Variants in MAST4 observed in about 807,000 individuals in gnomAD.
MAST4 encodes the protein microtubule associated serine/threonine kinase family member 4.
A neutral mutation model predicts 162.7 loss-of-function variants in MAST4; 89 were observed. The ratio of observed to expected loss-of-function variants is 0.55; its 90% confidence interval spans 0.46 to 0.65. The LOEUF (loss-of-function observed/expected upper bound fraction) is 0.65, where lower values mean the gene tolerates loss of function less well. MAST4 is among the 30% of genes least tolerant of loss of function. The pLI, the probability that MAST4 is intolerant of heterozygous loss-of-function variation, is 0.00. For missense variants in MAST4, 3,153 were observed against 3,374.0 expected, an observed-to-expected ratio of 0.93 and a Z score of 1.62; for synonymous variants, 1,479 against 1,361.1, an observed-to-expected ratio of 1.09 and a Z score of -1.91.
intron 4 of MAST4, among the ~76,000 whole-genome samples, chr5:67,027,898 A>G (rs1417319268): frequency 6.6e-6 from 1 of 152,150 alleles, no homozygotes; most frequent in African/African-American, 2.4e-5. Flanking sequence ...CATCCTCTGC[A>G]TTTATTTGTT....
chr5:67,156,923 G>A (rs1444678317), intron 26 of MAST4, among the ~76,000 whole-genome samples: 4 of 152,178 alleles, frequency 2.6e-5, no homozygotes, highest in South Asian at 4.1e-4. Context: ...ATTCAATTCC[G>A]GCAACTTGAA....
chr5:66,831,265 C>G (rs777580077), intron 3 of MAST4, among the ~76,000 whole-genome samples: 1 of 152,074 alleles, frequency 6.6e-6, no homozygotes, highest in Non-Finnish European at 1.5e-5. Flanking sequence ...TATCAGTAAA[C>G]CTAGTAAACA....
At position 67,165,515 on chromosome 5, in the gene MAST4, G is replaced by A. The variant is rs933701237; in HGVS notation, c.6336G>A (p.Gln2112=). 1 of 1,614,000 alleles carries A rather than the reference G, an allele frequency of 6.2e-7. No homozygotes were observed. Among genetic ancestry groups the A allele is most frequent in the African/African-American group, 1.3e-5 (1 of 75,048 alleles). ...SEKLSSFPSL[Q]KDGAKEPERK... is the part of the protein sequence containing the mutation. Reference sequence around the variant, plus strand: ...AGCTCTCCAGTTTCCCATCTTTGCAGAAAGATGGTGCCAAGGAACCTGAAA... The same window carrying A: ...AGCTCTCCAGTTTCCCATCTTTGCAAAAAGATGGTGCCAAGGAACCTGAAA... Residue 2112 remains glutamine, a synonymous_variant, in exon 29 of 29, where the codon CAG becomes CAA. Coordinates refer to ENST00000403625, the MANE Select transcript of MAST4 (RefSeq NM_001164664.2).
chr5:67,031,766 G>T (rs560020531), intron 4 of MAST4, among the ~76,000 whole-genome samples: 5 of 152,266 alleles, frequency 3.3e-5, no homozygotes, highest in African/African-American at 1.2e-4. Context: ...TCTCTGAAGT[G>T]AATATTCCTG....
chr5:66,802,061 T>G (rs894832520), intron 3 of MAST4, among the ~76,000 whole-genome samples: 6 of 152,218 alleles, frequency 3.9e-5, no homozygotes, highest in Admixed American at 3.9e-4. Flanking sequence ...AGTTTTGGGC[T>G]TTTCATTTAA....
chr5:67,124,402 CTCT>C (rs1171476220), intron 14 of MAST4, among the ~76,000 whole-genome samples: 1 of 152,178 alleles, frequency 6.6e-6, no homozygotes, highest in Non-Finnish European at 1.5e-5. Context: ...GCTGTCAGAG[CTCT>C]TCTTGTTTCT....
At chr5:66,789,329 C>T (rs1755275039) in intron 3 of MAST4, among the ~76,000 whole-genome samples, 1 of 152,156 alleles carries the variant, frequency 6.6e-6, no homozygotes, top group Non-Finnish European at 1.5e-5. Context: ...CAGTTATCTA[C>T]TCTGCCATCT....
At chr5:67,113,290 G>T (rs997874108) in intron 11 of MAST4, among the ~76,000 whole-genome samples, 1 of 145,302 alleles carries the variant, frequency 6.9e-6, no homozygotes, top group African/African-American at 2.5e-5. Context: ...CTCCAGCCTG[G>T]GCGACAGAGC....
intron 1 of MAST4, among the ~76,000 whole-genome samples, chr5:66,656,111 G>A (rs1334704963): frequency 1.3e-5 from 2 of 152,214 alleles, no homozygotes; most frequent in African/African-American, 4.8e-5. Context: ...GAGAAAGGCA[G>A]GCTTGGTGCA....
intron 1 of MAST4, among the ~76,000 whole-genome samples, chr5:66,740,518 T>C (rs1468776554): frequency 1.3e-5 from 2 of 152,350 alleles, no homozygotes; most frequent in Admixed American, 1.3e-4. Flanking sequence ...TGTGCTTGGC[T>C]CACAGAAGGC....
chr5:67,086,557 A>G (rs1411596513), intron 5 of MAST4, among the ~76,000 whole-genome samples: 4 of 152,204 alleles, frequency 2.6e-5, no homozygotes, highest in South Asian at 2.1e-4. Flanking sequence ...ACTAAGGTTT[A>G]CTTTACCAGG....
chr5:66,613,308 T>C (rs1174316801), intron 1 of MAST4, among the ~76,000 whole-genome samples: 2 of 148,034 alleles, frequency 1.4e-5, no homozygotes, highest in East Asian at 4.0e-4. Context: ...TTGATAAGAA[T>C]TTATCAGATA....
intron 1 of MAST4, among the ~76,000 whole-genome samples, chr5:66,650,524 A>G (rs1223311010): frequency 6.6e-6 from 1 of 152,178 alleles, no homozygotes; most frequent in African/African-American, 2.4e-5. Context: ...CAAAAGCATA[A>G]GTAATAGTAT....
chr5:66,923,684 T>G (rs1195194681), intron 4 of MAST4, among the ~76,000 whole-genome samples: 1 of 152,214 alleles, frequency 6.6e-6, no homozygotes, highest in Non-Finnish European at 1.5e-5. Flanking sequence ...TAAATGACTC[T>G]TGAGGTTGCA....
In MAST4 at chr5:66,956,466, C is replaced by T. The variant is rs537541182; in HGVS notation, c.674+56484C>T. Among the ~76,000 whole-genome samples the T allele has an allele frequency of 2.1e-3, 317 of 152,208 alleles. 1 individual carries two copies. Among genetic ancestry groups the T allele is most frequent in the Non-Finnish European group, 3.8e-3 (258 of 68,022 alleles). On this transcript the variant is annotated intron_variant, in intron 4 of 28. Transcript: ENST00000403625. ...GAGTCTACAAAATTTTGATATTTTA[C>T]GACCGCAGTTCCCCCTTTATTCACC...
At chr5:66,864,649 C>T (rs186726948) in intron 3 of MAST4, among the ~76,000 whole-genome samples, 1 of 151,388 alleles carries the variant, frequency 6.6e-6, no homozygotes, top group African/African-American at 2.4e-5. Flanking sequence ...TTATGTCCCC[C>T]CCCGAAAATA....
intron 19 of MAST4, among the ~76,000 whole-genome samples, chr5:67,138,590 C>T (rs780065334): frequency 2.6e-5 from 4 of 152,098 alleles, no homozygotes; most frequent in African/African-American, 7.2e-5. Flanking sequence ...CATGCCACCA[C>T]GCCTGGCTAC....
In MAST4 at chr5:67,100,599, G is replaced by T; in HGVS notation, c.1070+7G>T. On this transcript the variant is annotated splice_region_variant and intron_variant, in intron 8 of 28. Transcript: ENST00000403625. The stretch of plus-strand genomic sequence containing the variant: ...CCCGTTCCCGAAGTCTGAGGTGTGT[G>T]GGCCTGGCTGAAAACCATTACTTAG... 1 of 1,613,692 alleles carries T rather than the reference G, an allele frequency of 6.2e-7. No individual in the cohort carries two copies. Among genetic ancestry groups the T allele is most frequent in the Non-Finnish European group, 8.5e-7 (1 of 1,179,758 alleles).
At chr5:66,798,028 CCTTCA>C (rs1755736204) in intron 3 of MAST4, among the ~76,000 whole-genome samples, 1 of 152,120 alleles carries the variant, frequency 6.6e-6, no homozygotes, top group Admixed American at 6.5e-5. Flanking sequence ...GGATGGTGAG[CCTTCA>C]CTTCATTTTC....
Sources: gnomAD v4.1 joint callset for allele counts (sites outside exome capture counted in the v4.1 genomes callset) on GRCh38, gnomAD v4.1.1 for gene constraint, MANE v1.5 for transcripts, NCBI Gene and HGNC (gene_info 2026-07-23, HGNC 2026-07-21) for gene names.